Variants in TMEM255B observed in about 807,000 individuals in gnomAD.
TMEM255B encodes family with sequence similarity 70, member B.
TMEM255B carries 35 observed loss-of-function variants against 34.5 expected under a neutral mutation model. The ratio of observed to expected loss-of-function variants is 1.01; its 90% CI spans 0.77 to 1.34. The LOEUF (loss-of-function observed/expected upper bound fraction) is 1.34. Among genes scored for constraint, TMEM255B ranks in the 40% most tolerant of loss-of-function variants. The probability of loss-of-function intolerance (pLI) is 0.00; values close to 1 mark genes in which losing one functional copy is unlikely to be tolerated. For synonymous variants in TMEM255B, 206 were observed against 201.2 expected (o/e 1.02, Z -0.20); for missense variants, 432 against 433.2 (o/e 1.00, Z 0.02).
chr13:113,809,118 C>T (rs1240344356), intron 8 of TMEM255B, among the ~76,000 whole-genome samples: 4 of 94,634 alleles, frequency 4.2e-5, no homozygotes, highest in Admixed American at 2.7e-4. Context: ...GGGGGCTTAA[C>T]TCTGTGGTTC....
At chr13:113,801,984 G>A (rs984928450) in intron 7 of TMEM255B, among the ~76,000 whole-genome samples, 172 bp downstream of exon 7, 20 of 152,200 alleles carry the variant, frequency 1.3e-4, no homozygotes, top group Non-Finnish European at 2.4e-4. Flanking sequence ...GACTCACCTC[G>A]GGGCCGTCCT....
intron 3 of TMEM255B, among the ~76,000 whole-genome samples, chr13:113,774,131 T>G (rs1463037663): frequency 6.9e-6 from 1 of 144,528 alleles, no homozygotes; most frequent in Non-Finnish European, 1.5e-5. Flanking sequence ...CCCGCCTGCT[T>G]CTTCTCTTCC....
chr13:113,778,697 T>A (rs957195076), intron 3 of TMEM255B, among the ~76,000 whole-genome samples: 2 of 152,198 alleles, frequency 1.3e-5, no homozygotes, highest in Non-Finnish European at 2.9e-5. Context: ...TCACCTGCTG[T>A]AATGATATGA....
intron 7 of TMEM255B, among the ~76,000 whole-genome samples, chr13:113,803,655 C>CCA (rs2051106990): frequency 8.4e-6 from 1 of 118,436 alleles, no homozygotes; most frequent in African/African-American, 2.9e-5. Flanking sequence ...CCCTCCCTCA[C>CCA]GGAGCACGAC....
chr13:113,791,226 ATC>A (rs1370792437), intron 3 of TMEM255B, among the ~76,000 whole-genome samples: 1 of 152,184 alleles, frequency 6.6e-6, no homozygotes, highest in African/African-American at 2.4e-5. Flanking sequence ...GAAGGTGAAC[ATC>A]TAGGGCCAGC....
intron 1 of TMEM255B, among the ~76,000 whole-genome samples, chr13:113,763,216 G>A (rs2050335999): frequency 6.6e-6 from 1 of 152,194 alleles, no homozygotes; most frequent in Admixed American, 6.5e-5. Context: ...TCCATAGATG[G>A]TGTTATTATC....
chr13:113,774,462 A>G (rs933385414), intron 3 of TMEM255B, among the ~76,000 whole-genome samples: 5 of 152,186 alleles, frequency 3.3e-5, no homozygotes, highest in Non-Finnish European at 5.9e-5. Flanking sequence ...AACAGTGTTA[A>G]CTGGCAATTC....
chr13:113,794,008 G>A (rs1311926759), intron 3 of TMEM255B, among the ~76,000 whole-genome samples: 2 of 152,242 alleles, frequency 1.3e-5, no homozygotes, highest in Non-Finnish European at 2.9e-5. Flanking sequence ...TTAGAGCCTT[G>A]GCAGATGGGC....
chr13:113,814,124 C>T lies in TMEM255B; in HGVS notation c.*2221C>T, dbSNP rs7330612. The T allele has an allele frequency of 0.3, 45,630 of 152,084 alleles. 8,709 individuals are homozygous for T. The highest frequency in any genetic ancestry group is 0.54 in the African/African-American group (22,536 of 41,470). 9.4% of individuals were successfully genotyped at this position (152,084 alleles called of 1,614,324 possible). A position where few individuals can be genotyped will look rare whatever the true frequency, so the allele number is the denominator to read the frequency against. ...GTGCCGTGGTCTTGTGTGGGCGGTT[C>T]CTGGGCACCCTGGAGCTCGGGCTGT... On this transcript the variant is annotated 3_prime_UTR_variant, in exon 9 of 9. Transcript: ENST00000375353.
At chr13:113,768,396 GCA>G (rs2050425536) in intron 2 of TMEM255B, 1 of 376,486 alleles carries the variant, frequency 2.7e-6, no homozygotes, top group Admixed American at 3.3e-5. Flanking sequence ...TTCTAAGACA[GCA>G]CAGTCCCATG....
intron 5 of TMEM255B, among the ~76,000 whole-genome samples, chr13:113,800,299 C>CTGTGTGTG (rs1491395254): frequency 8.0e-5 from 5 of 62,644 alleles, no homozygotes; most frequent in Non-Finnish European, 1.5e-4. Context: ...GGGAGGCGTC[C>CTGTGTGTG]TCTGTGTGTG....
rs561382644 is a variant in TMEM255B, at chr13:113,800,991, G to T, written c.509+79G>T. 22 of 1,337,084 alleles carry T rather than the reference G, an allele frequency of 1.6e-5. No individual in the cohort carries two copies. In the African/African-American group the frequency reaches 2.7e-4, roughly 16 times the overall value. 82.8% of individuals were successfully genotyped at this position (1,337,084 alleles called of 1,614,324 possible). On this transcript the variant is annotated intron_variant, in intron 6 of 8. Transcript: ENST00000375353. ...GGGGACCCCCGTATCTACACCTGCG[G>T]GAGGTGAGGGGCGCTGGGGACCCCT...
chr13:113,766,536 T>C, intron 2 of TMEM255B: 2 of 517,672 alleles, frequency 3.9e-6, no homozygotes. Context: ...TGGCCCGATG[T>C]GGTCACAGGG....
intron 3 of TMEM255B, among the ~76,000 whole-genome samples, chr13:113,779,224 T>A (rs951311115): frequency 6.6e-6 from 1 of 152,154 alleles, no homozygotes; most frequent in Non-Finnish European, 1.5e-5. Context: ...TTTTGGGGGT[T>A]TTTAATCAAG....
intron 3 of TMEM255B, among the ~76,000 whole-genome samples, chr13:113,781,846 C>A (rs1014831572): frequency 6.6e-6 from 1 of 152,228 alleles, no homozygotes; most frequent in Admixed American, 6.5e-5. Context: ...TTGTCCTAAA[C>A]ATCCCTGTCT....
intron 4 of TMEM255B, 85 bp from the exon 5 acceptor site, chr13:113,799,254 G>T: frequency 1.5e-6 from 2 of 1,352,426 alleles, no homozygotes; most frequent in Non-Finnish European, 2.1e-6. Context: ...CCCTGAGCCT[G>T]AGACCCACAG....
At chr13:113,804,656 AGCTCCAGCCTGGGTATAAACGCACGCCG>A (rs2051132180) in intron 7 of TMEM255B, among the ~76,000 whole-genome samples, 1 of 141,014 alleles carries the variant, frequency 7.1e-6, no homozygotes, top group African/African-American at 2.7e-5. Context: ...GGCCGGGGTT[AGCTCCAGCCTGGGTATAAACGCACGCCG>A]GGCCGGGGTT....
At chr13:113,771,753 T>C (rs1300500594) in intron 3 of TMEM255B, among the ~76,000 whole-genome samples, 1 of 152,196 alleles carries the variant, frequency 6.6e-6, no homozygotes, top group Non-Finnish European at 1.5e-5. Context: ...CATACACCAG[T>C]TGATGGACAT....
At position 113,806,269 on chromosome 13, in the gene TMEM255B, G is replaced by A. The variant is rs1244285060; in HGVS notation, c.813+1241G>A. 6.6e-6 allele frequency among the ~76,000 whole-genome samples: 1 copy of A among 152,126 alleles called. No individual in the cohort carries two copies. The highest frequency in any genetic ancestry group is 2.4e-5 in the African/African-American group (1 of 41,434). On this transcript the variant is annotated intron_variant, in intron 8 of 8. Coordinates refer to ENST00000375353, the MANE Select transcript of TMEM255B (RefSeq NM_182614.4). This position sits in a 1 kb window ranked among gnomAD's most constrained non-coding sequence, Gnocchi z 4.2. Reference sequence around the variant, plus strand: ...GGAGGGAGCAGGAACCAGCACTCATGGAGATGGTGCGTCTGGGGGTCCCTG... The same window carrying A: ...GGAGGGAGCAGGAACCAGCACTCATAGAGATGGTGCGTCTGGGGGTCCCTG...
Sources: allele counts gnomAD v4.1 joint callset (sites outside exome capture counted in the v4.1 genomes callset), GRCh38; gene constraint gnomAD v4.1.1; non-coding constraint Gnocchi (gnomAD v3.1); transcripts MANE v1.5; gene names NCBI Gene and HGNC (gene_info 2026-07-23, HGNC 2026-07-21).